The following PCYT1B variants were observed in gnomAD, a reference collection of about 807,000 sequenced individuals.
The protein encoded by PCYT1B is choline-phosphate cytidylyltransferase B.
PCYT1B carries 10 observed loss-of-function variants against 26.4 expected under a neutral mutation model. The ratio of observed to expected loss-of-function variants is 0.38; its 90% confidence interval spans 0.23 to 0.64. The LOEUF (loss-of-function observed/expected upper bound fraction) is 0.64. PCYT1B is among the 30% of genes least tolerant of loss of function. PCYT1B has a pLI of 0.56. For synonymous variants in PCYT1B, 131 were observed against 108.4 expected, an observed-to-expected ratio of 1.21 and a Z score of -1.29; for missense variants, 161 against 292.7, an observed-to-expected ratio of 0.55 and a Z score of 3.28.
At chrX:24,598,003 G>A (rs1259798102) in intron 3 of PCYT1B, among the ~76,000 whole-genome samples, 1 of 112,087 alleles carries the variant, frequency 8.9e-6, no homozygotes. Flanking sequence ...ATAAGAGTAA[G>A]CACTTTTTTC....
In PCYT1B at chrX:24,559,681, C is replaced by T. The variant is rs945900806; in HGVS notation, c.*2612G>A. On this transcript the variant is annotated 3_prime_UTR_variant, in exon 8 of 8. Transcript: ENST00000379144. ...TGTTATTCCTGCTTACCCCTCCAAG[C>T]TTGGGGCATATTTCTCATTCCAGCC... 15 of 111,627 alleles carry T rather than the reference C, an allele frequency of 1.3e-4. No homozygotes were observed. Among genetic ancestry groups the T allele is most frequent in the African/African-American group, 4.2e-4 (13 of 30,663 alleles). The allele number at this position is 111,627 out of a possible 1,213,427, so 9.2% of individuals were successfully genotyped here.
At chrX:24,627,759 TCAGGGTGATCG>T (rs1173760084) in intron 1 of PCYT1B, among the ~76,000 whole-genome samples, 1 of 110,962 alleles carries the variant, frequency 9.0e-6, no homozygotes, top group Admixed American at 9.7e-5. Context: ...GAGGCAGGGG[TCAGGGTGATCG>T]CAGCGGAGGT....
At position 24,561,870 on chromosome X, in the gene PCYT1B, C is replaced by T. The variant is rs1460445839; in HGVS notation, c.*423G>A. 1 of 413,458 alleles carries T rather than the reference C, an allele frequency of 2.4e-6. No homozygotes were observed. Among genetic ancestry groups the T allele is most frequent in the Admixed American group, 4.0e-5 (1 of 24,733 alleles). 34.1% of individuals were successfully genotyped at this position (413,458 alleles called of 1,213,427 possible). On this transcript the variant is annotated 3_prime_UTR_variant, in exon 8 of 8. Transcript: ENST00000379144. ...TGGAAACAATTTTATTCTGGCAGAGCTGGGGTGGTGGGAGGCAACGTGCAG... is the reference window on the plus strand; with the variant it reads ...TGGAAACAATTTTATTCTGGCAGAGTTGGGGTGGTGGGAGGCAACGTGCAG...
intron 1 of PCYT1B, among the ~76,000 whole-genome samples, chrX:24,636,571 C>T (rs1926277364): frequency 1.8e-5 from 2 of 112,207 alleles, no homozygotes; most frequent in Non-Finnish European, 3.8e-5. Context: ...CAAGATTGCA[C>T]GATTGCACTC....
At chrX:24,621,714 T>C (rs147935098) in intron 1 of PCYT1B, 4,033 of 157,263 alleles carry the variant, frequency 0.026, 170 homozygotes, top group African/African-American at 0.12. Context: ...GGGATTAGCT[T>C]ACATTAATGA....
intron 7 of PCYT1B, among the ~76,000 whole-genome samples, chrX:24,569,203 T>C (rs1168409089): frequency 1.8e-5 from 2 of 110,921 alleles, no homozygotes; most frequent in Non-Finnish European, 3.8e-5. Flanking sequence ...CTATATTTTG[T>C]AGCTCTTTTC....
At chrX:24,659,921 G>A (rs1926994221) in intron 1 of PCYT1B, among the ~76,000 whole-genome samples, 2 of 111,519 alleles carry the variant, frequency 1.8e-5, no homozygotes, top group African/African-American at 6.5e-5. Context: ...AACTTTGGGG[G>A]ACACGTTCAA....
intron 1 of PCYT1B, among the ~76,000 whole-genome samples, chrX:24,654,332 C>T (rs1299846150): frequency 9.5e-6 from 1 of 104,881 alleles, no homozygotes; most frequent in Middle Eastern, 4.3e-3. Context: ...TGGTCTCGAA[C>T]TCCTGACCTT....
At chrX:24,589,746 G>C (rs1332854167) in intron 4 of PCYT1B, among the ~76,000 whole-genome samples, 1 of 111,440 alleles carries the variant, frequency 9.0e-6, no homozygotes, top group Non-Finnish European at 1.9e-5. Flanking sequence ...GTACAGTGTG[G>C]TTAGATATCT....
intron 5 of PCYT1B, 96 bp downstream of exon 5, chrX:24,587,145 T>G: frequency 1.7e-6 from 1 of 594,150 alleles, no homozygotes; most frequent in Non-Finnish European, 2.8e-6. Flanking sequence ...ACTCCCTGTT[T>G]GTATACACTG....
chrX:24,656,533 C>CT (rs1730183843), intron 1 of PCYT1B, among the ~76,000 whole-genome samples: 1 of 69,031 alleles, frequency 1.4e-5, no homozygotes, highest in East Asian at 4.0e-4. Flanking sequence ...CTCCAATATT[C>CT]TTTTTTTTCT....
At chrX:24,638,295 C>T (rs191792378) in intron 1 of PCYT1B, among the ~76,000 whole-genome samples, 1 of 111,508 alleles carries the variant, frequency 9.0e-6, no homozygotes, top group African/African-American at 3.3e-5. Context: ...GCGCACACTA[C>T]CAGGGCTCAC....
rs762866146 is a variant in PCYT1B, at chrX:24,560,108, A to G, written c.*2185T>C. The G allele has an allele frequency of 2.7e-5, 3 of 112,360 alleles. No homozygotes were observed. The highest frequency in any genetic ancestry group is 6.5e-5 in the African/African-American group (2 of 30,900). The allele number at this position is 112,360 out of a possible 1,213,427, so 9.3% of individuals were successfully genotyped here. On this transcript the variant is annotated 3_prime_UTR_variant, in exon 8 of 8. Transcript: ENST00000379144. ...CCTGATACACTATTTGCTCCAGAGTATAAGATTCAGGTAAAAGTGAATCTA... is the reference window on the plus strand; with the variant it reads ...CCTGATACACTATTTGCTCCAGAGTGTAAGATTCAGGTAAAAGTGAATCTA...
chrX:24,668,958 CT>C (rs1205201668), intron 1 of PCYT1B, among the ~76,000 whole-genome samples: 1 of 111,253 alleles, frequency 9.0e-6, no homozygotes, highest in African/African-American at 3.3e-5. Context: ...ATTTAACCAT[CT>C]TCTTAACTCT....
chrX:24,670,541 C>A (rs1927235681), intron 1 of PCYT1B, among the ~76,000 whole-genome samples: 1 of 111,854 alleles, frequency 8.9e-6, no homozygotes, highest in Non-Finnish European at 1.9e-5. Flanking sequence ...GAGAAAAGTA[C>A]ACTGAGAACC....
chrX:24,653,262 T>A (rs1926823349), intron 1 of PCYT1B, among the ~76,000 whole-genome samples: 1 of 111,230 alleles, frequency 9.0e-6, no homozygotes, highest in South Asian at 3.8e-4. Flanking sequence ...CGAAATCCCC[T>A]CAGGACTTAC....
intron 1 of PCYT1B, among the ~76,000 whole-genome samples, chrX:24,629,582 A>AAAAAC (rs1925994804): frequency 1.0e-5 from 1 of 100,063 alleles, no homozygotes; most frequent in Non-Finnish European, 2.1e-5. Context: ...AAAAAAAAAA[A>AAAAAC]AAAAAAAACA....
intron 1 of PCYT1B, among the ~76,000 whole-genome samples, chrX:24,644,608 C>T (rs1330613297): frequency 9.0e-6 from 1 of 111,216 alleles, no homozygotes; most frequent in East Asian, 2.8e-4. Flanking sequence ...AGCTCTGCCC[C>T]CTTCAAAGCA....
intron 1 of PCYT1B, among the ~76,000 whole-genome samples, chrX:24,670,427 A>T (rs1326032901): frequency 8.9e-6 from 1 of 112,568 alleles, no homozygotes; most frequent in Admixed American, 9.4e-5. Flanking sequence ...ACCAGCAGTA[A>T]CCAGAAATGG....
Sources: allele counts gnomAD v4.1 joint callset (sites outside exome capture counted in the v4.1 genomes callset), GRCh38; gene constraint gnomAD v4.1.1; transcripts MANE v1.5; gene names NCBI Gene and HGNC (gene_info 2026-07-23, HGNC 2026-07-21).